QSER1: variants seen among roughly 807,000 people sequenced by gnomAD.
QSER1 encodes the protein glutamine and serine-rich protein 1.
Under a neutral mutation model 158.5 loss-of-function variants are expected in QSER1, and 49 were observed. The ratio of observed to expected loss-of-function variants is 0.31; its 90% CI spans 0.25 to 0.39. The LOEUF (loss-of-function observed/expected upper bound fraction) is 0.39, where lower values mean the gene tolerates loss of function less well. Among genes scored for constraint, QSER1 ranks in the 10% least tolerant of loss-of-function variants. The probability of loss-of-function intolerance (pLI) is 1.00; values close to 1 mark genes in which losing one functional copy is unlikely to be tolerated. For missense variants in QSER1, 1,754 were observed against 2,010.3 expected, an observed-to-expected ratio of 0.87 and a Z score of 2.44; for synonymous variants, 650 against 715.5, an observed-to-expected ratio of 0.91 and a Z score of 1.46.
At position 32,933,515 on chromosome 11, in the gene QSER1, G is replaced by A; in HGVS notation, c.2257G>A (p.Val753Ile). ...CCGTCTTGAAGATCAAGTTATTGGG[G>A]TTGCTCTGCAAGCATCAAAAAAAGA... ...NSRLEDQVIG[V>I]ALQASKKEES... Residue 753 changes from valine (V) to isoleucine (I), a missense_variant, in exon 4 of 13, where the codon GTT becomes ATT. Physicochemically the swap from Val to Ile is conservative, Grantham distance 29. Transcript: ENST00000650167. The A allele has an allele frequency of 6.2e-7, 1 of 1,612,460 alleles. No homozygotes were observed. Among genetic ancestry groups the A allele is most frequent in the Non-Finnish European group, 8.5e-7 (1 of 1,179,494 alleles).
intron 1 of QSER1, among the ~76,000 whole-genome samples, chr11:32,898,325 A>T (rs193047252): frequency 6.6e-6 from 1 of 152,254 alleles, no homozygotes; most frequent in Admixed American, 6.5e-5. Context: ...TACAAAAAAT[A>T]AATAGAAAAA....
At chr11:32,908,377 G>C (rs1191554019) in intron 1 of QSER1, among the ~76,000 whole-genome samples, 1 of 152,046 alleles carries the variant, frequency 6.6e-6, no homozygotes, top group African/African-American at 2.4e-5. Flanking sequence ...CTTGACTTTG[G>C]CAGTATTTTT....
intron 4 of QSER1, among the ~76,000 whole-genome samples, chr11:32,938,467 A>C (rs1048409158): frequency 3.3e-5 from 5 of 152,216 alleles, no homozygotes; most frequent in African/African-American, 1.2e-4. Flanking sequence ...ACAGTCCCAA[A>C]CAGTTTAAAT....
At position 32,976,519 on chromosome 11, in the gene QSER1, C is replaced by T. The variant is rs201680626; in HGVS notation, c.*45C>T. Reference sequence around the variant, plus strand: ...TCTTTTTATAGCACTAATGAAATGGCAGATATGGGGTGGTCAAAGATAATC... The same window carrying T: ...TCTTTTTATAGCACTAATGAAATGGTAGATATGGGGTGGTCAAAGATAATC... On this transcript the variant is annotated 3_prime_UTR_variant, in exon 13 of 13. Transcript: ENST00000650167. 418 of 1,596,746 alleles carry T rather than the reference C, an allele frequency of 2.6e-4. 1 individual carries two copies. In the African/African-American group the frequency reaches 5.2e-3, roughly 20 times the overall value.
intron 7 of QSER1, among the ~76,000 whole-genome samples, chr11:32,957,004 A>G (rs1048471889): frequency 6.6e-6 from 1 of 151,908 alleles, no homozygotes; most frequent in African/African-American, 2.4e-5. Flanking sequence ...GGCTCAAGCA[A>G]TTTGCCTGCC....
chr11:32,959,454 G>C (rs1852582662), intron 8 of QSER1, among the ~76,000 whole-genome samples: 1 of 152,164 alleles, frequency 6.6e-6, no homozygotes, highest in African/African-American at 2.4e-5. Context: ...GGATTTATAA[G>C]GGGGAAACAA....
chr11:32,928,019 C>G lies in QSER1; in HGVS notation c.380C>G (p.Ser127Cys). Residue 127 changes from serine to cysteine, a missense_variant, in exon 3 of 13, where the codon TCT becomes TGT. By Grantham distance (112) the Ser-to-Cys change is moderately radical (BLOSUM62 -1). Around this residue, in one of 2 missense-constraint regions of QSER1, gnomAD observed 1,707 missense variants for 1,919.6 expected, o/e 0.89. Transcript: ENST00000650167. ...VNSASSNTKESSVMNFLSTAE... is the reference protein window; with the variant it reads ...VNSASSNTKECSVMNFLSTAE... ...AGTGCCAGCAGTAACACTAAAGAGT[C>G]TTCAGTGATGAATTTTCTGTCTACT... 6.3e-7 allele frequency: 1 copy of G among 1,584,274 alleles called. No homozygotes were observed. Among genetic ancestry groups the G allele is most frequent in the Non-Finnish European group, 8.7e-7 (1 of 1,153,600 alleles).
At chr11:32,906,243 T>C (rs1300846531) in intron 1 of QSER1, among the ~76,000 whole-genome samples, 1 of 151,318 alleles carries the variant, frequency 6.6e-6, no homozygotes, top group African/African-American at 2.4e-5. Context: ...ATTAATATGG[T>C]GAAACCCTGT....
chr11:32,941,935 C>G (rs371321609), intron 4 of QSER1, among the ~76,000 whole-genome samples: 14 of 151,818 alleles, frequency 9.2e-5, no homozygotes, highest in African/African-American at 1.5e-4. Context: ...TAACTGGTGT[C>G]AGATGGTATC....
At position 32,931,608 on chromosome 11, in the gene QSER1, C is replaced by T. The variant is rs1047816371; in HGVS notation, c.485-135C>T. The T allele has an allele frequency of 8.1e-6, 5 of 614,870 alleles. No homozygotes were observed. In the African/African-American group the frequency reaches 9.4e-5, roughly 12 times the overall value. The allele number at this position is 614,870 out of a possible 1,614,324, so 38.1% of individuals were successfully genotyped here. ...TTTGAAATGTAATTTTCAAAATTTACATGCAGAACTAACTGGTCAGGTTTT... is the reference window on the plus strand; with the variant it reads ...TTTGAAATGTAATTTTCAAAATTTATATGCAGAACTAACTGGTCAGGTTTT... On this transcript the variant is annotated intron_variant, in intron 3 of 12. Transcript: ENST00000650167.
chr11:32,898,985 T>G (rs367664911), intron 1 of QSER1, among the ~76,000 whole-genome samples: 40 of 152,354 alleles, frequency 2.6e-4, no homozygotes, highest in African/African-American at 9.6e-4. Flanking sequence ...TGTTAAGGTA[T>G]CTCATGTGAG....
chr11:32,915,973 A>G (rs188463556), intron 1 of QSER1, among the ~76,000 whole-genome samples: 3 of 151,164 alleles, frequency 2.0e-5, no homozygotes, highest in Non-Finnish European at 4.4e-5. Flanking sequence ...GCTGGAGTGC[A>G]ATGGTGTGAT....
rs1851899944 is a variant in QSER1 at position 32,921,532 on chromosome 11, TC to T, written c.210-5624del. Among the ~76,000 whole-genome samples the T allele has an allele frequency of 3.3e-5, 5 of 152,170 alleles. No homozygotes were observed. The South Asian group carries it at 1.0e-3, about 31-fold the overall frequency. ...ATTCCAAATTTGTTTTTTTACAAAATCATTTAGAACAGAATAGCAAAAGACA... is the reference window on the plus strand; with the variant it reads ...ATTCCAAATTTGTTTTTTTACAAAATATTTAGAACAGAATAGCAAAAGACA... On this transcript the variant is annotated intron_variant, in intron 1 of 12. Transcript: ENST00000650167.
intron 1 of QSER1, among the ~76,000 whole-genome samples, chr11:32,908,189 A>G (rs1052281387): frequency 1.3e-5 from 2 of 152,260 alleles, no homozygotes; most frequent in Non-Finnish European, 2.9e-5. Context: ...TGTCCAGAAG[A>G]AAGATTGATA....
intron 4 of QSER1, among the ~76,000 whole-genome samples, chr11:32,944,535 G>C (rs1261606014): frequency 6.6e-6 from 1 of 152,076 alleles, no homozygotes; most frequent in East Asian, 1.9e-4. Context: ...TTTCCATGTA[G>C]TTGAGTGGTT....
rs764401819 is a variant in QSER1 at position 32,934,986 on chromosome 11, C to G, written c.3728C>G (p.Thr1243Ser). ...GGAACAGATATTTACTTACCGTATA[C>G]TCCTCCTTCCTCAGAAAGCTGCCAT... ...PRGTDIYLPYTPPSSESCHDG... is the reference protein window; with the variant it reads ...PRGTDIYLPYSPPSSESCHDG... The change falls in exon 4 of 13, where the codon ACT (threonine) becomes AGT (serine). Residue 1243 changes from threonine to serine, a missense_variant. Thr to Ser is a moderately conservative substitution (Grantham distance 58). Coordinates refer to ENST00000650167, the MANE Select transcript of QSER1 (RefSeq NM_001076786.3). The G allele has an allele frequency of 4.3e-6, 7 of 1,614,026 alleles. No homozygotes were observed. The African/African-American group carries it at 6.7e-5, about 15-fold the overall frequency.
Position 32,933,873 on chromosome 11 carries a change from C to A in QSER1, c.2615C>A (p.Ala872Glu). Reference sequence around the variant, plus strand: ...ATTCTTCAGCAGTCAATACTGCAGGCAGGTTTAGGTCAAGTAAAGGCATCT... The same window carrying A: ...ATTCTTCAGCAGTCAATACTGCAGGAAGGTTTAGGTCAAGTAAAGGCATCT... ...LQILQQSILQ[A>E]GLGQVKASLQ... The change falls in exon 4 of 13, where the codon GCA becomes GAA. Residue 872 changes from alanine (A) to glutamate (E), a missense_variant. By Grantham distance (107) the Ala-to-Glu change is moderately radical. Around this residue, in one of 2 missense-constraint regions of QSER1, gnomAD observed 1,707 missense variants for 1,919.6 expected, o/e 0.89. Transcript: ENST00000650167. The A allele has an allele frequency of 1.2e-6, 2 of 1,613,418 alleles. No individual in the cohort carries two copies. Among genetic ancestry groups the A allele is most frequent in the African/African-American group, 2.7e-5 (2 of 75,012 alleles).
intron 10 of QSER1, among the ~76,000 whole-genome samples, chr11:32,973,135 G>T (rs1852901166): frequency 1.3e-5 from 2 of 152,188 alleles, no homozygotes; most frequent in Admixed American, 6.5e-5. Flanking sequence ...AGATTTAAGG[G>T]ATTTAAGGGA....
intron 1 of QSER1, among the ~76,000 whole-genome samples, chr11:32,905,529 T>C (rs1851681304): frequency 6.6e-6 from 1 of 151,204 alleles, no homozygotes; most frequent in Non-Finnish European, 1.5e-5. Context: ...GGGAATTAAG[T>C]AGAACTGTGC....
Sources: gnomAD v4.1 joint callset for allele counts (sites outside exome capture counted in the v4.1 genomes callset) on GRCh38, gnomAD v4.1.1 for gene constraint, gnomAD v4.1.1 regional missense constraint, MANE v1.5 for transcripts, NCBI Gene and HGNC (gene_info 2026-07-23, HGNC 2026-07-21) for gene names.